The following RABGAP1L variants were observed in gnomAD, a reference collection of about 807,000 sequenced individuals.
RABGAP1L encodes rab GTPase-activating protein 1-like.
In RABGAP1L, 63 loss-of-function variants were observed where a neutral mutation model predicts 137.7. The ratio of observed to expected loss-of-function variants is 0.46; its 90% CI spans 0.37 to 0.56. The LOEUF (loss-of-function observed/expected upper bound fraction) is 0.56. Among genes scored for constraint, RABGAP1L ranks in the 20% least tolerant of loss-of-function variants. The pLI is 0.00. For synonymous variants in RABGAP1L, 431 were observed against 433.7 expected, an observed-to-expected ratio of 0.99 and a Z score of 0.08; for missense variants, 1,095 against 1,244.0, an observed-to-expected ratio of 0.88 and a Z score of 1.80.
chr1:174,603,743 A>G (rs899316600), intron 13 of RABGAP1L, among the ~76,000 whole-genome samples: 3 of 151,904 alleles, frequency 2.0e-5, no homozygotes, highest in African/African-American at 7.3e-5. Flanking sequence ...ACTGATGTTT[A>G]TTCAAGGCCC....
intron 13 of RABGAP1L, among the ~76,000 whole-genome samples, chr1:174,611,251 T>A (rs1671219926): frequency 6.7e-6 from 1 of 150,068 alleles, no homozygotes; most frequent in Admixed American, 6.6e-5. Context: ...AAGGAAGGGA[T>A]CCAGTTTCAG....
chr1:174,981,468 G>A (rs1671097852), intron 23 of RABGAP1L, among the ~76,000 whole-genome samples: 1 of 143,878 alleles, frequency 7.0e-6, no homozygotes, highest in Admixed American at 6.9e-5. Context: ...TTTTTTAAAT[G>A]TCTGTTTTGA....
intron 13 of RABGAP1L, among the ~76,000 whole-genome samples, chr1:174,469,465 G>A (rs1657658630): frequency 6.6e-6 from 1 of 152,124 alleles, no homozygotes; most frequent in South Asian, 2.1e-4. Context: ...CAGATTTTCA[G>A]CAACTACCTT....
At chr1:174,299,069 A>G (rs554519271) in intron 10 of RABGAP1L, among the ~76,000 whole-genome samples, 1 of 152,364 alleles carries the variant, frequency 6.6e-6, no homozygotes, top group Non-Finnish European at 1.5e-5. Flanking sequence ...AAATCGTCAT[A>G]GGACTGAGTG....
intron 13 of RABGAP1L, among the ~76,000 whole-genome samples, chr1:174,598,244 C>T (rs1447071186): frequency 6.6e-6 from 1 of 151,290 alleles, no homozygotes; most frequent in East Asian, 1.9e-4. Context: ...AGGGGAATCC[C>T]TTGAACCCGG....
chr1:174,441,288 G>T (rs755747382), intron 13 of RABGAP1L, among the ~76,000 whole-genome samples: 2 of 151,762 alleles, frequency 1.3e-5, no homozygotes, highest in Non-Finnish European at 2.9e-5. Context: ...AAAATGAAGC[G>T]AATTATGCCT....
intron 1 of RABGAP1L, among the ~76,000 whole-genome samples, chr1:174,207,240 G>A (rs1668572832): frequency 6.6e-6 from 1 of 152,122 alleles, no homozygotes; most frequent in South Asian, 2.1e-4. Flanking sequence ...TTTTAAAGCA[G>A]TTTTGCATTT....
intron 13 of RABGAP1L, among the ~76,000 whole-genome samples, chr1:174,543,033 A>G (rs950217250): frequency 1.3e-5 from 2 of 152,178 alleles, no homozygotes; most frequent in Admixed American, 6.5e-5. Flanking sequence ...CAATTATGGA[A>G]TAAGGGTGAT....
chr1:174,219,422 T>C (rs1235395453), intron 2 of RABGAP1L, 127 bp downstream of exon 2: 2 of 626,426 alleles, frequency 3.2e-6, no homozygotes, highest in African/African-American at 3.8e-5. Flanking sequence ...GTTTGATTTA[T>C]CCAGACCCTA....
chr1:174,874,584 T>A (rs1441021581), intron 19 of RABGAP1L: 2 of 646,178 alleles, frequency 3.1e-6, no homozygotes, highest in Non-Finnish European at 3.8e-6. Flanking sequence ...CTGCCTTTTT[T>A]TTTTTTTTTT....
At chr1:174,833,432 ATGTG>A (rs1482968823) in intron 19 of RABGAP1L, among the ~76,000 whole-genome samples, 3 of 106,002 alleles carry the variant, frequency 2.8e-5, no homozygotes, top group Non-Finnish European at 6.2e-5. Flanking sequence ...GTATATATAT[ATGTG>A]TGTGTGTGTA....
intron 13 of RABGAP1L, among the ~76,000 whole-genome samples, chr1:174,578,736 T>G (rs1006624547): frequency 6.6e-6 from 1 of 152,166 alleles, no homozygotes; most frequent in African/African-American, 2.4e-5. Flanking sequence ...TTTAATGACC[T>G]TTCTAATTGA....
At chr1:174,175,950 C>T (rs1330825238) in intron 1 of RABGAP1L, among the ~76,000 whole-genome samples, 1 of 152,006 alleles carries the variant, frequency 6.6e-6, no homozygotes, top group African/African-American at 2.4e-5. Context: ...TTATAATAGT[C>T]CTGTATTACT....
chr1:174,423,359 C>G (rs1651574402), intron 13 of RABGAP1L, among the ~76,000 whole-genome samples: 1 of 152,182 alleles, frequency 6.6e-6, no homozygotes, highest in Admixed American at 6.5e-5. Context: ...GCACTCAACA[C>G]TTTATTGAAT....
intron 4 of RABGAP1L, among the ~76,000 whole-genome samples, chr1:174,239,818 C>G (rs1671635243): frequency 6.6e-6 from 1 of 152,174 alleles, no homozygotes; most frequent in South Asian, 2.1e-4. Flanking sequence ...GGAATATTCT[C>G]TGAAAGTTGC....
At chr1:174,667,043 C>T (rs1404902233) in intron 14 of RABGAP1L, among the ~76,000 whole-genome samples, 1 of 149,210 alleles carries the variant, frequency 6.7e-6, no homozygotes, top group Non-Finnish European at 1.5e-5. Context: ...GGAGAACTTA[C>T]ATTATGTATA....
intron 1 of RABGAP1L, among the ~76,000 whole-genome samples, chr1:174,208,251 A>G (rs576900356): frequency 6.6e-6 from 1 of 151,542 alleles, no homozygotes; most frequent in South Asian, 2.1e-4. Flanking sequence ...GTACTTGCTT[A>G]TTAGTTCTGA....
At chr1:174,345,383 T>C (rs1449020636) in intron 11 of RABGAP1L, among the ~76,000 whole-genome samples, 1 of 152,228 alleles carries the variant, frequency 6.6e-6, no homozygotes, top group Non-Finnish European at 1.5e-5. Flanking sequence ...TTGGGTAATA[T>C]GGACATTTTA....
intron 19 of RABGAP1L, among the ~76,000 whole-genome samples, chr1:174,881,699 T>C (rs1173816367): frequency 6.6e-6 from 1 of 151,614 alleles, no homozygotes; most frequent in African/African-American, 2.4e-5. Context: ...AGGATTTCAC[T>C]ATGTTGGCCA....
Sources: gnomAD v4.1 joint callset for allele counts (sites outside exome capture counted in the v4.1 genomes callset) on GRCh38, gnomAD v4.1.1 for gene constraint, MANE v1.5 for transcripts, NCBI Gene and HGNC (gene_info 2026-07-23, HGNC 2026-07-21) for gene names.